The following FHAD1 variants were observed in gnomAD, a reference collection of about 807,000 sequenced individuals.
The protein encoded by FHAD1 is forkhead associated phosphopeptide binding domain 1.
Under a neutral mutation model 191.3 loss-of-function variants are expected in FHAD1, and 146 were observed. The ratio of observed to expected loss-of-function variants is 0.76; its 90% CI spans 0.67 to 0.88. The LOEUF is 0.88. FHAD1 is among the 40% of genes least tolerant of loss of function. FHAD1 has a pLI of 0.00. For missense variants in FHAD1, 1,635 were observed against 1,785.8 expected (o/e 0.92, Z 1.52); for synonymous variants, 616 against 672.3 (o/e 0.92, Z 1.29).
Position 15,324,919 on chromosome 1 carries a change from C to T in FHAD1, c.1473+360C>T, listed in dbSNP as rs981709733. 5.0e-5 allele frequency: 15 copies of T among 299,930 alleles called. 1 individual carries two copies. In the South Asian group the frequency reaches 5.5e-4, roughly 11 times the overall value. The allele number at this position is 299,930 out of a possible 1,614,324, so 18.6% of individuals were successfully genotyped here. A position where few individuals can be genotyped will look rare whatever the true frequency, so the allele number is the denominator to read the frequency against. On this transcript the variant is annotated intron_variant, in intron 11 of 33. Coordinates refer to ENST00000688493, the MANE Select transcript of FHAD1 (RefSeq NM_001391957.1). ...CCTGACATTTACCACAATCTTTCTT[C>T]CCCTTGGGCCCCAGCAGACATTACA...
upstream of FHAD1, among the ~76,000 whole-genome samples, chr1:15,245,137 A>G (rs573224108): frequency 1.1e-4 from 16 of 152,338 alleles, no homozygotes; most frequent in African/African-American, 3.8e-4. Flanking sequence ...CAAGCCATCC[A>G]TGAGGGATTC....
rs546447853 is a variant in FHAD1 at position 15,312,565 on chromosome 1, G to C, written c.1040-492G>C. Among the ~76,000 whole-genome samples the C allele has an allele frequency of 6.6e-6, 1 of 152,322 alleles. No homozygotes were observed. Among genetic ancestry groups the C allele is most frequent in the African/African-American group, 2.4e-5 (1 of 41,566 alleles). On this transcript the variant is annotated intron_variant, in intron 7 of 33. Coordinates refer to ENST00000688493, the MANE Select transcript of FHAD1 (RefSeq NM_001391957.1). The surrounding 1 kb of genome is among the most constrained non-coding windows in gnomAD (Gnocchi z 4.7). ...TAGTCCTAGCTACTTGGGAGGCCAA[G>C]GCAGGAGGATCGCCTGAGTCCAGGA... is the stretch of plus-strand genomic sequence containing the variant.
chr1:15,315,587 G>A lies in FHAD1; in HGVS notation c.1171-791G>A, dbSNP rs571510257. Among the ~76,000 whole-genome samples, 565 of 148,504 alleles carry A rather than the reference G, an allele frequency of 3.8e-3. 5 individuals are homozygous for A. Among genetic ancestry groups the A allele is most frequent in the African/African-American group, 0.012 (486 of 40,466 alleles). Reference sequence around the variant, plus strand: ...TGCAAGCTCTGCCTCCCGGGTTCACGCCATTCTCCTGCCTCAGCCTCCCAA... The same window carrying A: ...TGCAAGCTCTGCCTCCCGGGTTCACACCATTCTCCTGCCTCAGCCTCCCAA... On this transcript the variant is annotated intron_variant, in intron 8 of 33. Transcript: ENST00000688493.
intron 13 of FHAD1, chr1:15,328,642 A>G (rs1004015248): frequency 1.7e-5 from 7 of 408,706 alleles, no homozygotes; most frequent in African/African-American, 1.2e-4. Flanking sequence ...TCCAAAAAAG[A>G]TGCCTGAGCA....
chr1:15,278,475 CTTT>C (rs34110532), intron 3 of FHAD1, among the ~76,000 whole-genome samples: 5 of 124,302 alleles, frequency 4.0e-5, no homozygotes, highest in Non-Finnish European at 4.9e-5. Context: ...TTCATTACCT[CTTT>C]TTTTTTTTTT....
At chr1:15,274,509 G>A (rs1439133112) in intron 3 of FHAD1, among the ~76,000 whole-genome samples, 1 of 152,010 alleles carries the variant, frequency 6.6e-6, no homozygotes, top group Non-Finnish European at 1.5e-5. Flanking sequence ...CTACTCTGGA[G>A]GCTGAGGCAG....
intron 22 of FHAD1, among the ~76,000 whole-genome samples, chr1:15,361,170 C>T (rs552233089): frequency 6.6e-6 from 1 of 152,270 alleles, no homozygotes; most frequent in South Asian, 2.1e-4. Context: ...CTTATTTGCC[C>T]CAAATGGCCA....
chr1:15,299,678 T>C (rs1200318811), intron 5 of FHAD1, among the ~76,000 whole-genome samples: 3 of 152,240 alleles, frequency 2.0e-5, no homozygotes, highest in African/African-American at 7.2e-5. Flanking sequence ...GAACCATAGC[T>C]GTGCACCATA....
At chr1:15,264,292 T>G (rs892876374) in intron 2 of FHAD1, among the ~76,000 whole-genome samples, 2 of 152,232 alleles carry the variant, frequency 1.3e-5, no homozygotes, top group African/African-American at 4.8e-5. Context: ...CATTTATTTG[T>G]ATCTTCTTTA....
At chr1:15,255,875 C>T (rs1647792615) in intron 2 of FHAD1, among the ~76,000 whole-genome samples, 1 of 152,144 alleles carries the variant, frequency 6.6e-6, no homozygotes, top group African/African-American at 2.4e-5. Flanking sequence ...CTTCATGCCA[C>T]CGTAAGGATT....
chr1:15,302,028 G>GAA (rs1021840418), intron 6 of FHAD1, among the ~76,000 whole-genome samples: 2 of 151,962 alleles, frequency 1.3e-5, no homozygotes, highest in African/African-American at 4.8e-5. Context: ...AAGAAAGAAA[G>GAA]AAAAAAGTCT....
At chr1:15,290,404 C>T (rs1417264329) in intron 4 of FHAD1, among the ~76,000 whole-genome samples, 2 of 152,192 alleles carry the variant, frequency 1.3e-5, no homozygotes, top group Non-Finnish European at 1.5e-5. Flanking sequence ...CCTATGGCAT[C>T]AAGGTCCCAT....
chr1:15,343,203 G>A (rs533766509), intron 16 of FHAD1, among the ~76,000 whole-genome samples: 8 of 152,092 alleles, frequency 5.3e-5, no homozygotes, highest in African/African-American at 9.6e-5. Context: ...ACCTCTCCCC[G>A]CCGACTCTCC....
At chr1:15,330,483 A>C (rs1680776132) in intron 14 of FHAD1, among the ~76,000 whole-genome samples, 1 of 152,208 alleles carries the variant, frequency 6.6e-6, no homozygotes, top group Non-Finnish European at 1.5e-5. Flanking sequence ...ATAATAAAAT[A>C]CTGGGGAAAA....
chr1:15,337,345 A>C (rs1684605698), intron 14 of FHAD1, among the ~76,000 whole-genome samples: 1 of 152,112 alleles, frequency 6.6e-6, no homozygotes, highest in South Asian at 2.1e-4. Flanking sequence ...CTCCCGTCTG[A>C]TGACGAGGCC....
Position 15,381,996 on chromosome 1 carries a change from A to C in FHAD1, c.4023-32A>C. On this transcript the variant is annotated intron_variant, in intron 30 of 33. Transcript: ENST00000688493. The surrounding 1 kb of genome is among the most constrained non-coding windows in gnomAD (Gnocchi z 4.6). ...TGATGATGATTGGGAAAGATAAGGG[A>C]AAAACAGACGCCATCTCTCCTGTGC... is the stretch of plus-strand genomic sequence containing the variant. 1 of 1,548,190 alleles carries C rather than the reference A, an allele frequency of 6.5e-7. No individual in the cohort carries two copies. The highest frequency in any genetic ancestry group is 8.7e-7 in the Non-Finnish European group (1 of 1,144,476).
At chr1:15,279,847 C>G (rs1434917461) in intron 3 of FHAD1, among the ~76,000 whole-genome samples, 1 of 152,010 alleles carries the variant, frequency 6.6e-6, no homozygotes, top group African/African-American at 2.4e-5. Context: ...AGGGGTGTCT[C>G]CCCCACACCC....
chr1:15,386,175 G>T lies in FHAD1; in HGVS notation c.4189-1876G>T, dbSNP rs148106833. Reference sequence around the variant, plus strand: ...ACGGTAACAACAGGACCTGCTTCGTGGGGTGGTTAAATGGTGTGATGCCAG... The same window carrying T: ...ACGGTAACAACAGGACCTGCTTCGTTGGGTGGTTAAATGGTGTGATGCCAG... On this transcript the variant is annotated intron_variant, in intron 31 of 33. Transcript: ENST00000688493. Among the ~76,000 whole-genome samples, 19 of 152,322 alleles carry T rather than the reference G, an allele frequency of 1.2e-4. No individual in the cohort carries two copies. In the South Asian group the frequency reaches 3.9e-3, roughly 32 times the overall value.
At chr1:15,324,884 T>C in intron 11 of FHAD1, 1 of 363,262 alleles carries the variant, frequency 2.8e-6, no homozygotes, top group South Asian at 3.5e-5. Flanking sequence ...TTCTCCTTAA[T>C]GTTTTTAGTC....
Sources: allele counts gnomAD v4.1 joint callset (sites outside exome capture counted in the v4.1 genomes callset), GRCh38; gene constraint gnomAD v4.1.1; non-coding constraint Gnocchi (gnomAD v3.1); transcripts MANE v1.5; gene names NCBI Gene and HGNC (gene_info 2026-07-23, HGNC 2026-07-21).